The following DLGAP4 variants were observed in gnomAD, a reference collection of about 807,000 sequenced individuals.
DLGAP4 encodes DLG associated protein 4.
In DLGAP4, 18 loss-of-function variants were observed where a neutral mutation model predicts 86.9. The observed-to-expected ratio is 0.21, with a 90% CI of 0.14 to 0.31. The LOEUF (loss-of-function observed/expected upper bound fraction) is 0.31, where lower values mean the gene tolerates loss of function less well. DLGAP4 is among the 10% of genes least tolerant of loss of function. The pLI is 1.00. For synonymous variants in DLGAP4, 548 were observed against 574.3 expected (o/e 0.95, Z 0.65); for missense variants, 1,085 against 1,362.6 (o/e 0.80, Z 3.21).
chr20:36,487,654 T>G (rs1174558000), intron 7 of DLGAP4, among the ~76,000 whole-genome samples: 1 of 152,190 alleles, frequency 6.6e-6, no homozygotes, highest in Non-Finnish European at 1.5e-5. Flanking sequence ...CAGAAAGCTC[T>G]GTATTTCCTT....
intron 2 of DLGAP4, among the ~76,000 whole-genome samples, chr20:36,386,999 G>A (rs938752527): frequency 8.6e-5 from 13 of 152,030 alleles, no homozygotes; most frequent in African/African-American, 1.7e-4. Context: ...TCCTCCTGCC[G>A]GTGGATATTT....
chr20:36,409,046 T>TTC (rs2032409072), intron 2 of DLGAP4, among the ~76,000 whole-genome samples: 1 of 149,842 alleles, frequency 6.7e-6, no homozygotes, highest in African/African-American at 2.5e-5. Flanking sequence ...TTTTTTTTTT[T>TTC]TTTTTTTGAG....
Position 36,423,438 on chromosome 20 carries a change from A to G in DLGAP4, c.-72-8208A>G, listed in dbSNP as rs1027368470. 2.9e-4 allele frequency among the ~76,000 whole-genome samples: 40 copies of G among 135,806 alleles called. No individual in the cohort carries two copies. In the Admixed American group the frequency reaches 3.0e-3, roughly 10 times the overall value. The allele number at this position is 135,806 out of a possible 152,430, so 89.1% of individuals were successfully genotyped here. ...ACTACTGAACTCCAGCCTGGGTGAC[A>G]GAGCAAGACTCCGTCTCAAAAAAAA... On this transcript the variant is annotated intron_variant, in intron 2 of 12. Coordinates refer to ENST00000339266, the MANE Select transcript of DLGAP4 (RefSeq NM_001365621.2).
At chr20:36,368,875 G>A (rs945381533) in intron 2 of DLGAP4, among the ~76,000 whole-genome samples, 1 of 152,218 alleles carries the variant, frequency 6.6e-6, no homozygotes, top group Admixed American at 6.5e-5. Context: ...TGAAGGGGGA[G>A]ACTGAGGCAG....
chr20:36,462,488 C>T (rs1289380000), intron 7 of DLGAP4: 24 of 1,589,414 alleles, frequency 1.5e-5, no homozygotes, highest in Non-Finnish European at 2.1e-5. Context: ...CCCCTGTCTC[C>T]CCTTCTCTCT....
intron 2 of DLGAP4, among the ~76,000 whole-genome samples, chr20:36,414,167 T>C (rs1016858287): frequency 1.3e-5 from 2 of 152,130 alleles, no homozygotes; most frequent in African/African-American, 2.4e-5. Flanking sequence ...ACAAGGTGAG[T>C]TAGCCAGGAC....
chr20:36,432,634 G>T lies in DLGAP4; in HGVS notation c.917G>T (p.Cys306Phe). Residue 306 changes from cysteine to phenylalanine, a missense_variant, in exon 3 of 13, where the codon TGC (cysteine) becomes TTC (phenylalanine). This residue lies in a region of DLGAP4 where 1,082 missense variants were observed against 1,344.1 expected (regional missense o/e 0.81). Coordinates refer to ENST00000339266, the MANE Select transcript of DLGAP4 (RefSeq NM_001365621.2). This position sits in a 1 kb window ranked among gnomAD's most constrained non-coding sequence, Gnocchi z 6.5. The part of the protein sequence containing the change: ...TLTLSHAHEV[C>F]QKTSATLDKS... ...ACCCTCAGCCACGCCCACGAGGTCT[G>T]CCAGAAGACCTCAGCCACCTTGGAT... The T allele has an allele frequency of 6.2e-7, 1 of 1,612,774 alleles. No homozygotes were observed. The highest frequency in any genetic ancestry group is 8.5e-7 in the Non-Finnish European group (1 of 1,179,534).
In DLGAP4 at chr20:36,350,088, C is replaced by A. The variant is rs770802445; in HGVS notation, c.-303-16957C>A. Among the ~76,000 whole-genome samples the A allele has an allele frequency of 6.6e-6, 1 of 152,194 alleles. No homozygotes were observed. The highest frequency in any genetic ancestry group is 1.5e-5 in the Non-Finnish European group (1 of 68,032). On this transcript the variant is annotated intron_variant, in intron 1 of 12. Coordinates refer to ENST00000339266, the MANE Select transcript of DLGAP4 (RefSeq NM_001365621.2). The surrounding 1 kb of genome is among the most constrained non-coding windows in gnomAD (Gnocchi z 4.4). ...ACATTTTTAGCCTGTGGGTCTCAAG[C>A]GGCTTCTGGTGTCCCTCAGACATGT...
rs534113835 is a variant in DLGAP4 at position 36,339,960 on chromosome 20, G to A, written c.-303-27085G>A. 2.0e-5 allele frequency among the ~76,000 whole-genome samples: 3 copies of A among 152,338 alleles called. No homozygotes were observed. The East Asian group carries it at 5.8e-4, about 29-fold the overall frequency. ...CATGCTGGACAGGCAGTGGAGGCTG[G>A]GTTGGGGGAGTGAGGCTAAGGCAGC... On this transcript the variant is annotated intron_variant, in intron 1 of 12. Transcript: ENST00000339266.
At chr20:36,372,172 G>A (rs1346630157) in intron 2 of DLGAP4, among the ~76,000 whole-genome samples, 2 of 152,228 alleles carry the variant, frequency 1.3e-5, no homozygotes, top group Non-Finnish European at 2.9e-5. Flanking sequence ...GTAGAAACAT[G>A]TGGAGGGCTA....
intron 2 of DLGAP4, among the ~76,000 whole-genome samples, chr20:36,380,320 G>A (rs564326228): frequency 1.5e-3 from 225 of 152,146 alleles, no homozygotes; most frequent in African/African-American, 5.2e-3. Flanking sequence ...TGAAATGGGA[G>A]GATCACTTGA....
At chr20:36,494,984 G>GTTTTTTTTTTTTTTTTTTTTTTT (rs752411826) in intron 7 of DLGAP4, among the ~76,000 whole-genome samples, 1 of 75,390 alleles carries the variant, frequency 1.3e-5, no homozygotes, top group Non-Finnish European at 2.3e-5. Context: ...TTTTTGTTCG[G>GTTTTTTTTTTTTTTTTTTTTTTT]TTTTTTTTTT....
intron 7 of DLGAP4, among the ~76,000 whole-genome samples, chr20:36,480,483 G>A (rs1220680633): frequency 6.6e-6 from 1 of 151,970 alleles, no homozygotes; most frequent in Admixed American, 6.6e-5. Flanking sequence ...GTGAGATGAT[G>A]GCTTGAGCCC....
chr20:36,440,889 C>T (rs1028633986), intron 5 of DLGAP4, among the ~76,000 whole-genome samples: 3 of 152,092 alleles, frequency 2.0e-5, no homozygotes, highest in Admixed American at 1.3e-4. Flanking sequence ...CCCAGGACCA[C>T]GGCTAGAGGA....
chr20:36,417,451 G>A (rs775547953), intron 2 of DLGAP4, among the ~76,000 whole-genome samples: 5 of 151,910 alleles, frequency 3.3e-5, no homozygotes, highest in Non-Finnish European at 5.9e-5. Flanking sequence ...GCACAATCAC[G>A]GCTCACTGAA....
At chr20:36,313,864 C>A (rs2065073959) in intron 1 of DLGAP4, among the ~76,000 whole-genome samples, 1 of 152,172 alleles carries the variant, frequency 6.6e-6, no homozygotes, top group African/African-American at 2.4e-5. Context: ...GTGCACCTCC[C>A]TGTGCCCTCT....
At chr20:36,428,658 G>A (rs1056692932) in intron 2 of DLGAP4, among the ~76,000 whole-genome samples, 2 of 152,362 alleles carry the variant, frequency 1.3e-5, no homozygotes, top group South Asian at 2.1e-4. Flanking sequence ...CCAGTGGGCT[G>A]GGTGGGGCCT....
At chr20:36,491,553 A>G (rs989483105) in intron 7 of DLGAP4, among the ~76,000 whole-genome samples, 3 of 151,962 alleles carry the variant, frequency 2.0e-5, no homozygotes, top group South Asian at 4.2e-4. Flanking sequence ...GCAGAAACCC[A>G]TGCATGTGTA....
chr20:36,344,693 G>C (rs2029886744), intron 1 of DLGAP4, among the ~76,000 whole-genome samples: 2 of 152,228 alleles, frequency 1.3e-5, no homozygotes, highest in African/African-American at 4.8e-5. Context: ...TGGGAGCCTG[G>C]TTGGGATTTC....
Sources: gnomAD v4.1 joint callset for allele counts (sites outside exome capture counted in the v4.1 genomes callset) on GRCh38, gnomAD v4.1.1 for gene constraint, gnomAD v4.1.1 regional missense constraint, Gnocchi (gnomAD v3.1) non-coding constraint, MANE v1.5 for transcripts, NCBI Gene and HGNC (gene_info 2026-07-23, HGNC 2026-07-21) for gene names.